The following GPR158 variants were observed in gnomAD, a reference collection of about 807,000 sequenced individuals.
The protein encoded by GPR158 is G protein-coupled receptor 158.
A neutral mutation model predicts 78.2 loss-of-function variants in GPR158; 30 were observed. The ratio of observed to expected loss-of-function variants is 0.38; its 90% confidence interval spans 0.29 to 0.52. The LOEUF is 0.52. Ranked by LOEUF, GPR158 falls within the 20% of genes least tolerant of loss-of-function variation. The pLI, the probability that GPR158 is intolerant of heterozygous loss-of-function variation, is 0.83. For synonymous variants in GPR158, 581 were observed against 591.1 expected (o/e 0.98, Z 0.25); for missense variants, 1,463 against 1,523.5 (o/e 0.96, Z 0.66).
chr10:25,594,104 C>T (rs1837372548), intron 8 of GPR158, 188 bp from the exon 9 acceptor site: 3 of 494,962 alleles, frequency 6.1e-6, no homozygotes, highest in Non-Finnish European at 1.1e-5. Context: ...ATAAAGGGTT[C>T]ATATATTATG....
At chr10:25,254,403 A>G (rs1012414838) in intron 2 of GPR158, among the ~76,000 whole-genome samples, 8 of 152,198 alleles carry the variant, frequency 5.3e-5, no homozygotes, top group Non-Finnish European at 1.2e-4. Flanking sequence ...TATCACCTGA[A>G]AAAACATAAC....
rs571596641 is a variant in GPR158, at chr10:25,480,979, A to G, written c.1404+14260A>G. On this transcript the variant is annotated intron_variant, in intron 5 of 10. Coordinates refer to ENST00000376351, the MANE Select transcript of GPR158 (RefSeq NM_020752.3). ...ATTTCTGCCAAGATAGCCACTCTCC[A>G]GAAGAACCTCAATCGGGAGAAAAAT... Among the ~76,000 whole-genome samples, 12 of 152,312 alleles carry G rather than the reference A, an allele frequency of 7.9e-5. No homozygotes were observed. The South Asian group carries it at 2.5e-3, about 32-fold the overall frequency.
chr10:25,573,750 C>T (rs1441609031), intron 7 of GPR158, among the ~76,000 whole-genome samples: 4 of 151,910 alleles, frequency 2.6e-5, no homozygotes, highest in Non-Finnish European at 5.9e-5. Flanking sequence ...TCATATTTTG[C>T]AGTTGTTGGC....
intron 2 of GPR158, among the ~76,000 whole-genome samples, chr10:25,328,685 G>A (rs998889744): frequency 2.0e-5 from 3 of 151,998 alleles, no homozygotes; most frequent in Middle Eastern, 3.4e-3. Context: ...CCAGCACTTT[G>A]GAAGGCCAAG....
At chr10:25,575,332 GTTTTT>G (rs894455445) in intron 7 of GPR158, among the ~76,000 whole-genome samples, 1 of 152,024 alleles carries the variant, frequency 6.6e-6, no homozygotes, top group African/African-American at 2.4e-5. Context: ...ATGTATTTTG[GTTTTT>G]TTGTTTTTTT....
At chr10:25,510,278 G>A (rs971684617) in intron 5 of GPR158, among the ~76,000 whole-genome samples, 4 of 152,136 alleles carry the variant, frequency 2.6e-5, no homozygotes, top group African/African-American at 9.7e-5. Flanking sequence ...GTTTCCGAAT[G>A]TACCTTTATT....
rs1464218975 is a variant in GPR158 at position 25,598,787 on chromosome 10, C to T, written c.3161C>T (p.Ala1054Val). 17 of 1,613,992 alleles carry T rather than the reference C, an allele frequency of 1.1e-5. No individual in the cohort carries two copies. Among genetic ancestry groups the T allele is most frequent in the Admixed American group, 1.7e-5 (1 of 59,986 alleles). The change falls in exon 11 of 11, where the codon GCA (alanine) becomes GTA (valine). Residue 1054 changes from alanine (A) to valine (V), a missense_variant. Coordinates refer to ENST00000376351, the MANE Select transcript of GPR158 (RefSeq NM_020752.3). ...GAGAAATCTCACCACAAGCCTAAGG[C>T]AGCTGAGGTTTGTCAGCAATCCAAT... ...LKEKSHHKPK[A>V]AEVCQQSNQK...
At chr10:25,408,834 C>T (rs371667780) in intron 3 of GPR158, among the ~76,000 whole-genome samples, 9 of 152,202 alleles carry the variant, frequency 5.9e-5, no homozygotes, top group African/African-American at 2.2e-4. Context: ...TGTTTAAGTG[C>T]CGTTGAGGTG....
intron 5 of GPR158, among the ~76,000 whole-genome samples, chr10:25,545,548 G>C (rs566396180): frequency 4.6e-5 from 7 of 152,214 alleles, no homozygotes; most frequent in Admixed American, 4.6e-4. Flanking sequence ...ACTTTTTGAT[G>C]GGGTTGTTTA....
chr10:25,384,277 T>G (rs1834193364), intron 2 of GPR158, among the ~76,000 whole-genome samples: 1 of 152,032 alleles, frequency 6.6e-6, no homozygotes, highest in African/African-American at 2.4e-5. Context: ...TAAAAAACCA[T>G]GAAAACTAAG....
chr10:25,262,103 A>T (rs759476510), intron 2 of GPR158, among the ~76,000 whole-genome samples: 1 of 152,152 alleles, frequency 6.6e-6, no homozygotes, highest in Non-Finnish European at 1.5e-5. Flanking sequence ...ATCTAGCTGC[A>T]ATATTAGCAA....
intron 6 of GPR158, among the ~76,000 whole-genome samples, chr10:25,571,483 A>C (rs1837007397): frequency 6.6e-6 from 1 of 152,198 alleles, no homozygotes; most frequent in South Asian, 2.1e-4. Flanking sequence ...CATATGACTT[A>C]AAATTATTCA....
intron 3 of GPR158, among the ~76,000 whole-genome samples, chr10:25,396,357 G>T (rs1834362496): frequency 6.6e-6 from 1 of 152,098 alleles, no homozygotes; most frequent in South Asian, 2.1e-4. Context: ...TATTTATCAA[G>T]GTGTTTATAT....
intron 2 of GPR158, among the ~76,000 whole-genome samples, chr10:25,282,076 A>G (rs542818526): frequency 2.0e-5 from 3 of 152,306 alleles, no homozygotes; most frequent in Non-Finnish European, 4.4e-5. Context: ...TAATCAAGCA[A>G]CAAAACAGGT....
Position 25,529,967 on chromosome 10 carries a change from T to TA in GPR158, c.1405-21005dup, listed in dbSNP as rs558674811. On this transcript the variant is annotated intron_variant, in intron 5 of 10. Transcript: ENST00000376351. ...TTTCCATCCGTTTGATTAGGAAAAT[T>TA]AAAACCTACTGGCCTTTCGTATCTT... 6.4e-3 allele frequency among the ~76,000 whole-genome samples: 979 copies of TA among 152,308 alleles called. 9 individuals are homozygous for TA. The highest frequency in any genetic ancestry group is 0.022 in the African/African-American group (932 of 41,552).
chr10:25,296,772 A>C (rs1192472294), intron 2 of GPR158, among the ~76,000 whole-genome samples: 1 of 152,222 alleles, frequency 6.6e-6, no homozygotes, highest in Non-Finnish European at 1.5e-5. Context: ...CAGTTGAGGA[A>C]AGTGACACAG....
intron 2 of GPR158, among the ~76,000 whole-genome samples, chr10:25,362,882 T>C (rs1855661272): frequency 6.6e-6 from 1 of 151,950 alleles, no homozygotes; most frequent in Non-Finnish European, 1.5e-5. Flanking sequence ...CTGCTTTTTA[T>C]ATATTTTTTA....
At chr10:25,192,372 T>C (rs1277440459) in intron 1 of GPR158, among the ~76,000 whole-genome samples, 2 of 152,160 alleles carry the variant, frequency 1.3e-5, no homozygotes, top group African/African-American at 4.8e-5. Flanking sequence ...CTCGGGCAGT[T>C]CTTTGTAGCA....
intron 7 of GPR158, among the ~76,000 whole-genome samples, chr10:25,580,860 T>G (rs4749051): frequency 0.56 from 84,167 of 151,408 alleles, 25,369 homozygotes; most frequent in African/African-American, 0.79. Flanking sequence ...CAAGTAGTTG[T>G]GACTACAGGT....
Sources: allele counts gnomAD v4.1 joint callset (sites outside exome capture counted in the v4.1 genomes callset), GRCh38; gene constraint gnomAD v4.1.1; transcripts MANE v1.5; gene names NCBI Gene and HGNC (gene_info 2026-07-23, HGNC 2026-07-21).